The following NAV2 variants were observed in gnomAD, a reference collection of about 807,000 sequenced individuals.
NAV2 encodes helicase, APC down-regulated 1.
In NAV2, 54 loss-of-function variants were observed where a neutral mutation model predicts 223.2. That is an observed-to-expected ratio of 0.24 (90% CI 0.19 to 0.30). NAV2 has a LOEUF of 0.30. Ranked by LOEUF, NAV2 falls within the 10% of genes least tolerant of loss-of-function variation. NAV2 has a pLI of 1.00. For missense variants in NAV2, 2,806 were observed against 3,147.5 expected, an observed-to-expected ratio of 0.89 and a Z score of 2.60; for synonymous variants, 1,279 against 1,239.3, an observed-to-expected ratio of 1.03 and a Z score of -0.67.
intron 2 of NAV2, among the ~76,000 whole-genome samples, chr11:19,839,839 C>T (rs186137708): frequency 3.3e-5 from 5 of 152,326 alleles, no homozygotes; most frequent in Admixed American, 1.3e-4. Context: ...GTCTTGAATA[C>T]GCTGGGATAA....
chr11:19,884,330 C>T, intron 5 of NAV2: 1 of 1,614,118 alleles, frequency 6.2e-7, no homozygotes, highest in South Asian at 1.1e-5. Flanking sequence ...GCAAAATCAT[C>T]CGCTTCACTC....
At chr11:19,820,846 C>T (rs2059331448) in intron 1 of NAV2, among the ~76,000 whole-genome samples, 1 of 152,130 alleles carries the variant, frequency 6.6e-6, no homozygotes, top group East Asian at 1.9e-4. Flanking sequence ...ATCACAGGTA[C>T]AAAACACCTG....
At chr11:19,531,915 G>C (rs2044038578) in intron 1 of NAV2, among the ~76,000 whole-genome samples, 1 of 152,152 alleles carries the variant, frequency 6.6e-6, no homozygotes, top group Admixed American at 6.5e-5. Flanking sequence ...AGAGTCAATG[G>C]GATTTAGTAA....
intron 1 of NAV2, among the ~76,000 whole-genome samples, chr11:19,790,459 T>TA: frequency 6.6e-6 from 1 of 152,318 alleles, no homozygotes; most frequent in African/African-American, 2.4e-5. Flanking sequence ...CACGAGTTTT[T>TA]ATTCTTAGAG....
chr11:20,093,028 C>T, intron 28 of NAV2, 71 bp from the exon 29 acceptor site: 1 of 929,108 alleles, frequency 1.1e-6, no homozygotes, highest in Non-Finnish European at 1.7e-6. Flanking sequence ...TGCCAACCTG[C>T]AGCGGGGGTG....
intron 1 of NAV2, among the ~76,000 whole-genome samples, chr11:19,654,621 G>T (rs1480532566): frequency 2.0e-5 from 3 of 152,176 alleles, no homozygotes; most frequent in Non-Finnish European, 4.4e-5. Context: ...TGACAAACCT[G>T]ACAAAAACAA....
At chr11:19,829,842 G>T (rs915677467) in intron 1 of NAV2, among the ~76,000 whole-genome samples, 19 of 152,144 alleles carry the variant, frequency 1.2e-4, no homozygotes, top group Admixed American at 1.1e-3. Context: ...TCATTTTACA[G>T]GTGAGTAAAC....
Position 20,045,405 on chromosome 11 carries a change from A to G in NAV2, c.3637A>G (p.Ser1213Gly). The G allele has an allele frequency of 6.2e-7, 1 of 1,614,206 alleles. No homozygotes were observed. Among genetic ancestry groups the G allele is most frequent in the Non-Finnish European group, 8.5e-7 (1 of 1,180,038 alleles). The change falls in exon 14 of 38, where the codon AGC (serine) becomes GGC (glycine). Residue 1213 changes from serine (S) to glycine (G), a missense_variant. By Grantham distance (56) the Ser-to-Gly change is moderately conservative (BLOSUM62 0). Around this residue, in one of 4 missense-constraint regions of NAV2, gnomAD observed 742 missense variants for 777.9 expected, o/e 0.95. Transcript: ENST00000349880. ...GGCTGGGAACAGGTCTAGCACCAGC[A>G]GCATAGATTCCAACATTAGCAGCAA... ...NGAGNRSSTS[S>G]IDSNISSKSA...
intron 1 of NAV2, among the ~76,000 whole-genome samples, chr11:19,820,476 G>A (rs1468215325): frequency 6.6e-6 from 1 of 152,224 alleles, no homozygotes; most frequent in African/African-American, 2.4e-5. Flanking sequence ...AGGAAGTGCT[G>A]TAGAAAGGGA....
intron 1 of NAV2, among the ~76,000 whole-genome samples, chr11:19,440,925 A>T (rs1851378417): frequency 6.6e-6 from 1 of 152,222 alleles, no homozygotes; most frequent in African/African-American, 2.4e-5. Context: ...CAGTACAGAA[A>T]AAATGCAGTT....
chr11:19,719,701 A>G (rs1426620302), intron 1 of NAV2, among the ~76,000 whole-genome samples: 1 of 152,242 alleles, frequency 6.6e-6, no homozygotes, highest in African/African-American at 2.4e-5. Context: ...ACATGAAAAG[A>G]CAGACGGCTT....
intron 1 of NAV2, among the ~76,000 whole-genome samples, chr11:19,595,581 A>T (rs12285453): frequency 6.6e-6 from 1 of 150,780 alleles, no homozygotes; most frequent in Non-Finnish European, 1.5e-5. Flanking sequence ...TTGAGACAGG[A>T]TCTCACTCTG....
rs12364525 is a variant in NAV2 at position 19,619,586 on chromosome 11, C to T, written c.76-212898C>T. Among the ~76,000 whole-genome samples, 1,070 of 152,248 alleles carry T rather than the reference C, an allele frequency of 7.0e-3. 4 individuals carry two copies. Among genetic ancestry groups the T allele is most frequent in the African/African-American group, 0.017 (700 of 41,540 alleles). ...TTAAGAAGTGTCTGTTCATATCCTTCGCCCACTTTTTGATGGGGTTGTTTG... is the reference window on the plus strand; with the variant it reads ...TTAAGAAGTGTCTGTTCATATCCTTTGCCCACTTTTTGATGGGGTTGTTTG... On this transcript the variant is annotated intron_variant, in intron 1 of 37. Transcript: ENST00000360655.
At chr11:19,759,311 C>T (rs1217230609) in intron 1 of NAV2, among the ~76,000 whole-genome samples, 2 of 152,002 alleles carry the variant, frequency 1.3e-5, no homozygotes, top group Non-Finnish European at 2.9e-5. Flanking sequence ...TCTCGATCTG[C>T]TGACCTCGTG....
At position 20,068,202 on chromosome 11, in the gene NAV2, A is replaced by C. The variant is rs776275562; in HGVS notation, c.4901A>C (p.Gln1634Pro). The change falls in exon 21 of 38, where the codon CAG (glutamine) becomes CCG (proline). Residue 1634 changes from glutamine to proline, a missense_variant. Around this residue, in one of 4 missense-constraint regions of NAV2, gnomAD observed 824 missense variants for 1,069.4 expected, o/e 0.77. Coordinates refer to ENST00000349880, the MANE Select transcript of NAV2 (RefSeq NM_145117.5). ...SVYSTPEEKC[Q>P]SEIRKLRREL... ...TCTTTACAGCCAGAAGAAAAATGCC[A>C]GTCAGAGGTAAGGAACAGCTTTCTG... 1 of 1,614,102 alleles carries C rather than the reference A, an allele frequency of 6.2e-7. No homozygotes were observed. The highest frequency in any genetic ancestry group is 8.5e-7 in the Non-Finnish European group (1 of 1,179,934).
chr11:20,104,109 C>A (rs1165141894), intron 34 of NAV2: 1 of 221,070 alleles, frequency 4.5e-6, no homozygotes, highest in Admixed American at 5.4e-5. Flanking sequence ...CCCAAGTGAA[C>A]ATGAGCAATG....
At chr11:19,931,896 C>CACG (rs1565582541) in intron 6 of NAV2, 1 of 152,010 alleles carries the variant, frequency 6.6e-6, no homozygotes. Flanking sequence ...TGGGTGGGTG[C>CACG]GGGCACGGGG....
chr11:19,684,042 C>A (rs186283887), intron 1 of NAV2, among the ~76,000 whole-genome samples: 1 of 152,110 alleles, frequency 6.6e-6, no homozygotes, highest in Admixed American at 6.5e-5. Flanking sequence ...GTACACTCCC[C>A]CAATTGTTTT....
intron 10 of NAV2, among the ~76,000 whole-genome samples, chr11:19,958,825 A>G (rs1029520411): frequency 3.3e-5 from 5 of 152,110 alleles, no homozygotes; most frequent in African/African-American, 1.2e-4. Context: ...TGTTATTATG[A>G]GGTTGGTGCT....
Sources: allele counts gnomAD v4.1 joint callset (sites outside exome capture counted in the v4.1 genomes callset), GRCh38; gene constraint gnomAD v4.1.1; regional missense constraint gnomAD v4.1.1; transcripts MANE v1.5; gene names NCBI Gene and HGNC (gene_info 2026-07-23, HGNC 2026-07-21).